The following PIGN variants were observed in gnomAD, a reference collection of about 807,000 sequenced individuals.
PIGN encodes the protein phosphatidylinositol glycan anchor biosynthesis class N.
A neutral mutation model predicts 125.4 loss-of-function variants in PIGN; 117 were observed. The observed-to-expected ratio is 0.93, with a 90% CI of 0.80 to 1.09. The LOEUF (loss-of-function observed/expected upper bound fraction) is 1.09, where lower values mean the gene tolerates loss of function less well. PIGN is among the 50% of genes least tolerant of loss of function. The pLI, the probability that PIGN is intolerant of heterozygous loss-of-function variation, is 0.00. For missense variants in PIGN, 1,075 were observed against 1,094.9 expected (o/e 0.98, Z 0.26); for synonymous variants, 392 against 377.8 (o/e 1.04, Z -0.44).
chr18:62,105,262 A>G (rs1041386019), intron 20 of PIGN: 3 of 216,684 alleles, frequency 1.4e-5, no homozygotes, highest in Non-Finnish European at 2.8e-5. Context: ...CAAGCATAAA[A>G]GAAAGAAAAC....
At chr18:62,104,127 A>AT (rs1181234712) in intron 20 of PIGN, among the ~76,000 whole-genome samples, 1 of 152,222 alleles carries the variant, frequency 6.6e-6, no homozygotes, top group African/African-American at 2.4e-5. Context: ...ATCAAAATAA[A>AT]TAAGTTGCAA....
intron 30 of PIGN, among the ~76,000 whole-genome samples, chr18:62,068,927 C>T (rs1365469869): frequency 6.6e-6 from 1 of 152,188 alleles, no homozygotes; most frequent in Non-Finnish European, 1.5e-5. Flanking sequence ...GAGAGACACC[C>T]TAAGTGTCCC....
At chr18:62,084,845 C>CCA (rs2033618633) in intron 26 of PIGN, among the ~76,000 whole-genome samples, 2 of 152,324 alleles carry the variant, frequency 1.3e-5, no homozygotes, top group Admixed American at 1.3e-4. Context: ...CCGTGGCTCA[C>CCA]GCCTGTAATC....
At chr18:62,116,900 T>C (rs769479682) in intron 14 of PIGN, among the ~76,000 whole-genome samples, 28 of 152,096 alleles carry the variant, frequency 1.8e-4, no homozygotes, top group Non-Finnish European at 3.7e-4. Context: ...CTTAAGCTAA[T>C]TTAACAGACA....
chr18:62,022,292 G>T (rs1304029098), intron 23 of PIGN, among the ~76,000 whole-genome samples: 1 of 152,180 alleles, frequency 6.6e-6, no homozygotes, highest in African/African-American at 2.4e-5. Flanking sequence ...TCATAATTAA[G>T]CTTGAATATT....
chr18:62,142,458 AAATT>A (rs1337576055), intron 11 of PIGN, among the ~76,000 whole-genome samples: 1 of 152,238 alleles, frequency 6.6e-6, no homozygotes, highest in African/African-American at 2.4e-5. Context: ...TTTTAATGGC[AAATT>A]AATAAACTGC....
chr18:62,162,163 G>C (rs969869345), intron 3 of PIGN, 90 bp downstream of exon 3: 1 of 152,054 alleles, frequency 6.6e-6, no homozygotes, highest in African/African-American at 2.4e-5. Flanking sequence ...TTCTCTGTAA[G>C]TTCATCACAG....
chr18:62,148,147 T>C (rs1440359662), intron 8 of PIGN, 67 bp downstream of exon 8: 15 of 1,264,836 alleles, frequency 1.2e-5, no homozygotes, highest in Non-Finnish European at 1.6e-5. Flanking sequence ...AAGAAAACTT[T>C]ATAATAAAAA....
At chr18:62,060,746 T>C (rs956829111) in intron 30 of PIGN, among the ~76,000 whole-genome samples, 2 of 152,210 alleles carry the variant, frequency 1.3e-5, no homozygotes, top group Admixed American at 6.5e-5. Flanking sequence ...AAACTGATGA[T>C]CCTGACTCTA....
intron 7 of PIGN, among the ~76,000 whole-genome samples, chr18:62,151,944 TGAGTG>T (rs2036551871): frequency 6.6e-6 from 1 of 152,198 alleles, no homozygotes; most frequent in African/African-American, 2.4e-5. Context: ...GAGCCAAATA[TGAGTG>T]GCCATGGCCC....
At position 62,161,449 on chromosome 18, in the gene PIGN, T is replaced by C. The variant is rs977729135; in HGVS notation, c.-32-64A>G. 90 of 696,578 alleles carry C rather than the reference T, an allele frequency of 1.3e-4. 1 individual carries two copies. The African/African-American group carries it at 1.3e-3, about 10-fold the overall frequency. The allele number at this position is 696,578 out of a possible 1,614,324, so 43.1% of individuals were successfully genotyped here. ...ATGCATTCATATGTATTTTCACATA[T>C]TTTGATGATCACAAGTAGATGAAAC... is the stretch of plus-strand genomic sequence containing the variant. On this transcript the variant is annotated intron_variant, in intron 3 of 30. Transcript: ENST00000640252.
chr18:62,137,004 T>C (rs1199058357), intron 14 of PIGN: 8 of 398,202 alleles, frequency 2.0e-5, no homozygotes, highest in African/African-American at 1.6e-4. Flanking sequence ...GTATTGTTCC[T>C]GGGTATGTCT....
At position 62,025,922 on chromosome 18, in the gene PIGN, T is replaced by C. The variant is rs147377370; in HGVS notation, c.2143-8181A>G. Among the ~76,000 whole-genome samples the C allele has an allele frequency of 6.8e-3, 1,037 of 152,306 alleles. 8 individuals are homozygous for C. Among genetic ancestry groups the C allele is most frequent in the Non-Finnish European group, 0.011 (749 of 68,028 alleles). On this transcript the variant is annotated intron_variant, in intron 23 of 24. Coordinates refer to the PIGN transcript ENST00000639600. ...CTTTTACTTAGATTGTTGCTACCCA[T>C]GCGTCTGGTCCTAAATTCCTCCAAG...
At chr18:62,157,648 A>C (rs1221099873) in intron 5 of PIGN, 39 bp downstream of exon 5, 1 of 1,580,182 alleles carries the variant, frequency 6.3e-7, no homozygotes, top group African/African-American at 1.3e-5. Context: ...TTTACTTGAC[A>C]AATTTTTCAT....
chr18:62,093,512 T>C (rs1455885187), intron 23 of PIGN, among the ~76,000 whole-genome samples: 4 of 152,226 alleles, frequency 2.6e-5, no homozygotes, highest in Admixed American at 6.5e-5. Flanking sequence ...TTTAGCTTTG[T>C]ATTACAGTTT....
At chr18:62,185,601 G>T (rs994165472) in intron 1 of PIGN, among the ~76,000 whole-genome samples, 7 of 152,202 alleles carry the variant, frequency 4.6e-5, no homozygotes, top group African/African-American at 1.7e-4. Context: ...ATTTTTCCAT[G>T]GAGCTAACGG....
chr18:62,063,800 CCAT>C (rs1307808740), intron 30 of PIGN, among the ~76,000 whole-genome samples: 1 of 150,806 alleles, frequency 6.6e-6, no homozygotes, highest in African/African-American at 2.4e-5. Flanking sequence ...AAGCTGGAAA[CCAT>C]CATTCTGAGC....
chr18:62,048,622 GA>G (rs34476400), intron 30 of PIGN, among the ~76,000 whole-genome samples: 132,551 of 145,244 alleles, frequency 0.91, 60,545 homozygotes, highest in African/African-American at 0.97. Context: ...ATTCACAGAT[GA>G]AAAAAAAAAA....
At chr18:62,098,862 T>C (rs777480335) in intron 22 of PIGN, among the ~76,000 whole-genome samples, 2 of 152,048 alleles carry the variant, frequency 1.3e-5, no homozygotes, top group Non-Finnish European at 2.9e-5. Flanking sequence ...CTGAATCTCC[T>C]CCTCACCATT....
Sources: gnomAD v4.1 joint callset for allele counts (sites outside exome capture counted in the v4.1 genomes callset) on GRCh38, gnomAD v4.1.1 for gene constraint, MANE v1.5 for transcripts, NCBI Gene and HGNC (gene_info 2026-07-23, HGNC 2026-07-21) for gene names.